Variants in DNER observed in about 807,000 individuals in gnomAD.
The protein encoded by DNER is delta/notch like EGF repeat containing.
DNER carries 33 observed loss-of-function variants against 78.2 expected under a neutral mutation model. The ratio of observed to expected loss-of-function variants is 0.42; its 90% CI spans 0.32 to 0.56. The LOEUF (loss-of-function observed/expected upper bound fraction) is 0.56. Ranked by LOEUF, DNER falls within the 20% of genes least tolerant of loss-of-function variation. The pLI, the probability that DNER is intolerant of heterozygous loss-of-function variation, is 0.11. For missense variants in DNER, 918 were observed against 975.3 expected, an observed-to-expected ratio of 0.94 and a Z score of 0.78; for synonymous variants, 417 against 384.8, an observed-to-expected ratio of 1.08 and a Z score of -0.98.
intron 1 of DNER, among the ~76,000 whole-genome samples, chr2:229,620,580 A>G (rs1303001632): frequency 2.0e-5 from 3 of 152,238 alleles, no homozygotes; most frequent in Non-Finnish European, 4.4e-5. Context: ...TAGCTCCTGC[A>G]GACACAAACG....
chr2:229,482,820 T>C (rs1261793346), intron 6 of DNER, among the ~76,000 whole-genome samples: 1 of 151,794 alleles, frequency 6.6e-6, no homozygotes, highest in Non-Finnish European at 1.5e-5. Flanking sequence ...GACAGGAGGG[T>C]TTAGAAATAA....
chr2:229,631,635 A>AT (rs1261845346), intron 1 of DNER, among the ~76,000 whole-genome samples: 2 of 152,178 alleles, frequency 1.3e-5, no homozygotes, highest in Non-Finnish European at 1.5e-5. Context: ...CAGGGCTCTG[A>AT]TTTTCTCACC....
rs976551622 is a variant in DNER, at chr2:229,438,231, A to G, written c.1486+9085T>C. Reference sequence around the variant, plus strand: ...CTGTGCTGGGAAGTAGGAAACGTCTATTGGTCAAGTATCATCCATTGAACT... The same window carrying G: ...CTGTGCTGGGAAGTAGGAAACGTCTGTTGGTCAAGTATCATCCATTGAACT... On this transcript the variant is annotated intron_variant, in intron 8 of 12. Coordinates refer to ENST00000341772, the MANE Select transcript of DNER (RefSeq NM_139072.4). Among the ~76,000 whole-genome samples, 5 of 152,220 alleles carry G rather than the reference A, an allele frequency of 3.3e-5. No individual in the cohort carries two copies. The South Asian group carries it at 8.3e-4, about 25-fold the overall frequency.
At chr2:229,521,704 A>C (rs940606413) in intron 5 of DNER, among the ~76,000 whole-genome samples, 5 of 152,174 alleles carry the variant, frequency 3.3e-5, no homozygotes, top group Non-Finnish European at 7.3e-5. Flanking sequence ...AATTTAAGAG[A>C]CTACCTGAGA....
chr2:229,681,649 C>A (rs1699388137), intron 1 of DNER, among the ~76,000 whole-genome samples: 1 of 152,134 alleles, frequency 6.6e-6, no homozygotes, highest in Non-Finnish European at 1.5e-5. Context: ...GTCCCTGAGT[C>A]GTGGGCAGCC....
Position 229,477,190 on chromosome 2 carries a change from C to T in DNER, c.1211G>A (p.Gly404Glu). ...ACTGAGACTGGAAATGCATGTTGCT[C>T]CATTTCTGCATGGGTCTAGGATGCA... ...DYCILDPCRN[G>E]ATCISSLSGF... is the part of the protein sequence containing the mutation. Residue 404 changes from glycine to glutamate, a missense_variant, in exon 7 of 13, where the codon GGA becomes GAA. Transcript: ENST00000341772. The T allele has an allele frequency of 6.2e-7, 1 of 1,613,948 alleles. No homozygotes were observed. Among genetic ancestry groups the T allele is most frequent in the Non-Finnish European group, 8.5e-7 (1 of 1,179,948 alleles).
At chr2:229,621,019 A>C (rs1476565911) in intron 1 of DNER, among the ~76,000 whole-genome samples, 1 of 152,226 alleles carries the variant, frequency 6.6e-6, no homozygotes, top group Admixed American at 6.5e-5. Context: ...CTGCTGTTTA[A>C]GCCACCCGGT....
chr2:229,552,193 C>T (rs566787485), intron 4 of DNER, among the ~76,000 whole-genome samples: 1 of 152,272 alleles, frequency 6.6e-6, no homozygotes, highest in South Asian at 2.1e-4. Context: ...GCAGTGCATG[C>T]TTGAGGGACC....
At chr2:229,466,509 C>A (rs971617663) in intron 7 of DNER, among the ~76,000 whole-genome samples, 13 of 151,918 alleles carry the variant, frequency 8.6e-5, no homozygotes, top group African/African-American at 2.4e-4. Flanking sequence ...CCTCTTCAGA[C>A]TCTACCACCT....
At chr2:229,452,539 G>A (rs1694482713) in intron 7 of DNER, among the ~76,000 whole-genome samples, 1 of 152,070 alleles carries the variant, frequency 6.6e-6, no homozygotes, top group African/African-American at 2.4e-5. Flanking sequence ...TGAAACATGG[G>A]GCCAGGTACC....
chr2:229,626,723 T>C (rs1332718654), intron 1 of DNER, among the ~76,000 whole-genome samples: 1 of 152,254 alleles, frequency 6.6e-6, no homozygotes, highest in Non-Finnish European at 1.5e-5. Context: ...AATTGAGTCA[T>C]CCTAAAGTCT....
chr2:229,683,903 G>A (rs1325984265), intron 1 of DNER, among the ~76,000 whole-genome samples: 1 of 152,082 alleles, frequency 6.6e-6, no homozygotes, highest in East Asian at 1.9e-4. Context: ...CAAGTGGGAG[G>A]AGGTTGCCTT....
chr2:229,403,366 T>C (rs1245873873), intron 10 of DNER, among the ~76,000 whole-genome samples: 1 of 152,144 alleles, frequency 6.6e-6, no homozygotes, highest in Non-Finnish European at 1.5e-5. Flanking sequence ...ATCAAATAGA[T>C]TTGAAAGATA....
intron 7 of DNER, among the ~76,000 whole-genome samples, chr2:229,453,920 T>TAAAAAAAAAAAAAAAAAAAATA (rs1694513229): frequency 9.4e-6 from 1 of 106,864 alleles, no homozygotes; most frequent in African/African-American, 3.3e-5. Context: ...TAAAATATAT[T>TAAAAAAAAAAAAAAAAAAAATA]AAAAAAAAAA....
At chr2:229,440,514 G>A (rs1694209582) in intron 8 of DNER, among the ~76,000 whole-genome samples, 1 of 152,112 alleles carries the variant, frequency 6.6e-6, no homozygotes, top group South Asian at 2.1e-4. Flanking sequence ...CAAGAACTCT[G>A]CAACTCTCTT....
At chr2:229,556,104 A>G (rs1464573858) in intron 4 of DNER, among the ~76,000 whole-genome samples, 1 of 152,242 alleles carries the variant, frequency 6.6e-6, no homozygotes, top group Non-Finnish European at 1.5e-5. Flanking sequence ...TAACTATTAT[A>G]CTTACCCAGC....
At chr2:229,566,704 C>G (rs1334367263) in intron 4 of DNER, among the ~76,000 whole-genome samples, 1 of 152,146 alleles carries the variant, frequency 6.6e-6, no homozygotes, top group African/African-American at 2.4e-5. Context: ...TACCTAGAAT[C>G]TGCAGTGATT....
chr2:229,484,451 G>A (rs569598861), intron 6 of DNER, among the ~76,000 whole-genome samples: 4 of 152,130 alleles, frequency 2.6e-5, no homozygotes, highest in East Asian at 1.9e-4. Context: ...TCTGAACTTC[G>A]ATCTTGTTTC....
rs774377036 is a variant in DNER at position 229,585,923 on chromosome 2, A to AG, written c.781dup (p.Leu261ProfsTer19). On this transcript the variant is annotated frameshift_variant, in exon 4 of 13. Coordinates refer to ENST00000341772, the MANE Select transcript of DNER (RefSeq NM_139072.4). LOFTEE classifies it high-confidence loss of function. The stretch of plus-strand genomic sequence containing the variant: ...GAGGACCAGTCCCCCTGAAGCCTGA[A>AG]GGGGGGTCACACTTCGTCCATCTAT... The AG allele has an allele frequency of 1.2e-6, 2 of 1,614,076 alleles. No homozygotes were observed. Among genetic ancestry groups the AG allele is most frequent in the African/African-American group, 1.3e-5 (1 of 75,026 alleles).
Sources: gnomAD v4.1 joint callset for allele counts (sites outside exome capture counted in the v4.1 genomes callset) on GRCh38, gnomAD v4.1.1 for gene constraint, MANE v1.5 for transcripts, NCBI Gene and HGNC (gene_info 2026-07-23, HGNC 2026-07-21) for gene names.